Variants in MYO15A observed in about 807,000 individuals in gnomAD.
MYO15A encodes myosin XVA.
Under a neutral mutation model 394.6 loss-of-function variants are expected in MYO15A, and 308 were observed. The ratio of observed to expected loss-of-function variants is 0.78; its 90% CI spans 0.71 to 0.86. The LOEUF (loss-of-function observed/expected upper bound fraction) is 0.86, where lower values mean the gene tolerates loss of function less well. MYO15A is among the 40% of genes least tolerant of loss of function. The pLI is 0.00. For synonymous variants in MYO15A, 1,957 were observed against 2,003.8 expected (o/e 0.98, Z 0.62); for missense variants, 4,606 against 4,799.1 (o/e 0.96, Z 1.19).
intron 65 of MYO15A, among the ~76,000 whole-genome samples, chr17:18,174,670 C>G (rs545274774): frequency 3.0e-4 from 46 of 152,294 alleles, no homozygotes; most frequent in African/African-American, 1.0e-3. Context: ...CTCACACCCC[C>G]CTGGGGTCAG....
chr17:18,163,397 G>GCTTACTCCACCCCCATCC, intron 59 of MYO15A, 76 bp downstream of exon 59: 6 of 1,455,542 alleles, frequency 4.1e-6, no homozygotes, highest in Non-Finnish European at 5.8e-6. Context: ...CAGGATGGGG[G>GCTTACTCCACCCCCATCC]TGGAGTAAGC....
rs1254581656 is a variant in MYO15A, at chr17:18,173,786, G to A, written c.10356G>A (p.Leu3452=). Residue 3452 remains leucine (L), a synonymous_variant, in exon 65 of 66, where the codon TTG becomes TTA. Coordinates refer to ENST00000647165, the MANE Select transcript of MYO15A (RefSeq NM_016239.4). ...LNFLSTETHE[L]MVKFPLKEIQ... ...CCCTCTCCTCCTACTCCCAGGAATT[G>A]ATGGTGAAGTTCCCCCTGAAGGAGA... 1 of 1,613,858 alleles carries A rather than the reference G, an allele frequency of 6.2e-7. No individual in the cohort carries two copies. The highest frequency in any genetic ancestry group is 2.2e-5 in the East Asian group (1 of 44,886).
In MYO15A at chr17:18,161,354, G is replaced by C. The variant is rs1414395424; in HGVS notation, c.9424G>C (p.Val3142Leu). ...GCGAGGCTGGAGGCTGCTGTATATC[G>C]TGACCGCCTACCACAGCTGCTCTGA... is the stretch of plus-strand genomic sequence containing the variant. ...CQRGWRLLYIVTAYHSCSEVL... is the reference protein window; with the variant it reads ...CQRGWRLLYILTAYHSCSEVL... Residue 3142 changes from valine to leucine, a missense_variant, in exon 57 of 66, where the codon GTG becomes CTG. By Grantham distance (32) the Val-to-Leu change is conservative. Transcript: ENST00000647165. 1.9e-6 allele frequency: 3 copies of C among 1,614,026 alleles called. No individual in the cohort carries two copies. The highest frequency in any genetic ancestry group is 2.5e-6 in the Non-Finnish European group (3 of 1,180,006).
chr17:18,170,929 T>G (rs1203361314), intron 62 of MYO15A, among the ~76,000 whole-genome samples: 1 of 152,100 alleles, frequency 6.6e-6, no homozygotes, highest in Non-Finnish European at 1.5e-5. Context: ...GGAGGCTGGG[T>G]TCAGATGCCA....
intron 7 of MYO15A, among the ~76,000 whole-genome samples, chr17:18,128,742 A>C (rs749996408): frequency 5.9e-5 from 9 of 152,200 alleles, no homozygotes; most frequent in Admixed American, 5.9e-4. Context: ...AGGTAGGTAC[A>C]CTTGTATCCA....
intron 30 of MYO15A, among the ~76,000 whole-genome samples, chr17:18,146,653 A>G (rs1326212545): frequency 6.6e-6 from 1 of 152,224 alleles, no homozygotes; most frequent in East Asian, 1.9e-4. Flanking sequence ...GACCAGACGC[A>G]GTGGCTCAGG....
rs915052455 is a variant in MYO15A at position 18,161,523 on chromosome 17, G to A, written c.9517+76G>A. 6 of 1,593,936 alleles carry A rather than the reference G, an allele frequency of 3.8e-6. No homozygotes were observed. In the African/African-American group the frequency reaches 5.4e-5, roughly 14 times the overall value. ...ACTGGGTGGACAGCTGGTGGGAGGG[G>A]AAACCCAGAGGGCCTCGCTCTTCAC... On this transcript the variant is annotated intron_variant, in intron 57 of 65. Coordinates refer to ENST00000647165, the MANE Select transcript of MYO15A (RefSeq NM_016239.4).
rs1263068319 is a variant in MYO15A at position 18,120,245 on chromosome 17, G to A, written c.1445G>A (p.Arg482Gln). The stretch of plus-strand genomic sequence containing the variant: ...ATCCGCAAGTTCCGCCTCTTCCCGC[G>A]ACCCCAGGTGAAGCTGTTTGGGAAG... ...SLIRKFRLFP[R>Q]PQVKLFGKEK... The change falls in exon 2 of 66, where the codon CGA (arginine) becomes CAA (glutamine). Residue 482 changes from arginine (R) to glutamine (Q), a missense_variant. Transcript: ENST00000647165. 2.5e-6 allele frequency: 4 copies of A among 1,611,936 alleles called. No individual in the cohort carries two copies. The highest frequency in any genetic ancestry group is 3.4e-6 in the Non-Finnish European group (4 of 1,179,584).
At position 18,158,518 on chromosome 17, in the gene MYO15A, T is replaced by A. The variant is rs774701269; in HGVS notation, c.8968-5T>A. 1 of 1,613,858 alleles carries A rather than the reference T, an allele frequency of 6.2e-7. No individual in the cohort carries two copies. Among genetic ancestry groups the A allele is most frequent in the Non-Finnish European group, 8.5e-7 (1 of 1,179,820 alleles). ...TGGGCCTTCCTAGCTCCGCCTCTTCTGCAGGGTCCCCCAGTCAGGGCCCGC... is the reference window on the plus strand; with the variant it reads ...TGGGCCTTCCTAGCTCCGCCTCTTCAGCAGGGTCCCCCAGTCAGGGCCCGC... On this transcript the variant is annotated splice_region_variant and splice_polypyrimidine_tract_variant and intron_variant, in intron 51 of 65. Transcript: ENST00000647165.
chr17:18,124,951 A>G (rs1023673782), intron 3 of MYO15A: 7 of 614,770 alleles, frequency 1.1e-5, no homozygotes, highest in Admixed American at 5.4e-5. Flanking sequence ...CAAACCCCCA[A>G]TGAAGTAGGT....
At position 18,135,821 on chromosome 17, in the gene MYO15A, G is replaced by C; in HGVS notation, c.4593G>C (p.Val1531=). ...TGCAGAAGGCCATCACCTTCAAAGT[G>C]ACCGTGAGTCTGTGGGCATCTGGCC... ...EGLQKAITFK[V]TETMREKIFT... The change falls in exon 13 of 66, where the codon GTG becomes GTC. Residue 1531 remains valine, a synonymous_variant. Transcript: ENST00000647165. The C allele has an allele frequency of 6.2e-7, 1 of 1,613,606 alleles. No individual in the cohort carries two copies.
intron 52 of MYO15A, 134 bp from the exon 53 acceptor site, chr17:18,158,791 T>TG: frequency 7.2e-7 from 1 of 1,386,124 alleles, no homozygotes; most frequent in Non-Finnish European, 1.0e-6. Context: ...TGCCTGCCTC[T>TG]GGGGGTCTTC....
chr17:18,172,018 C>T, intron 63 of MYO15A, 139 bp from the exon 64 acceptor site: 1 of 1,456,498 alleles, frequency 6.9e-7, no homozygotes, highest in Non-Finnish European at 9.4e-7. Context: ...GAAGGGAGGC[C>T]AGAGAGATGG....
intron 19 of MYO15A, among the ~76,000 whole-genome samples, chr17:18,140,141 C>T (rs991170208): frequency 2.6e-5 from 4 of 152,336 alleles, no homozygotes; most frequent in African/African-American, 9.6e-5. Flanking sequence ...GAGCACAGGC[C>T]TGGTAACATC....
At chr17:18,159,914 A>G (rs759345018) in intron 55 of MYO15A, 21 bp from the exon 56 acceptor site, 8 of 1,613,258 alleles carry the variant, frequency 5.0e-6, no homozygotes, top group Non-Finnish European at 6.8e-6. Context: ...TTTGGTGTGT[A>G]ACCTCCCTGC....
chr17:18,122,925 A>G (rs1172155329), intron 2 of MYO15A: 1 of 159,944 alleles, frequency 6.3e-6, no homozygotes, highest in African/African-American at 2.4e-5. Flanking sequence ...GGATTCTGGA[A>G]TAGGTCAGGG....
At position 18,121,825 on chromosome 17, in the gene MYO15A, C is replaced by T. The variant is rs1236211904; in HGVS notation, c.3025C>T (p.Pro1009Ser). The stretch of plus-strand genomic sequence containing the variant: ...GCTCACCAAATCAGCTGGCCCAACC[C>T]CTGAGAAGCCTGAAGAAGAGGCCAC... ...GQLTKSAGPT[P>S]EKPEEEATLG... is the part of the protein sequence containing the mutation. The change falls in exon 2 of 66, where the codon CCT becomes TCT. Residue 1009 changes from proline to serine, a missense_variant. Coordinates refer to ENST00000647165, the MANE Select transcript of MYO15A (RefSeq NM_016239.4). This position sits in a 1 kb window ranked among gnomAD's most constrained non-coding sequence, Gnocchi z 5.3. The T allele has an allele frequency of 1.9e-6, 3 of 1,612,874 alleles. No homozygotes were observed. Among genetic ancestry groups the T allele is most frequent in the Admixed American group, 1.7e-5 (1 of 60,020 alleles).
chr17:18,161,186 G>A (rs182659881), intron 56 of MYO15A, 131 bp from the exon 57 acceptor site: 365 of 1,270,292 alleles, frequency 2.9e-4, no homozygotes, highest in Admixed American at 1.0e-3. Context: ...ATATCACTGC[G>A]CAGGGAGGGG....
At chr17:18,137,136 A>G (rs2046294747) in intron 15 of MYO15A, among the ~76,000 whole-genome samples, 2 of 152,174 alleles carry the variant, frequency 1.3e-5, no homozygotes, top group African/African-American at 4.8e-5. Context: ...CAGCAAAGGA[A>G]GTGGTGAGGG....
Sources: allele counts gnomAD v4.1 joint callset (sites outside exome capture counted in the v4.1 genomes callset), GRCh38; gene constraint gnomAD v4.1.1; non-coding constraint Gnocchi (gnomAD v3.1); transcripts MANE v1.5; gene names NCBI Gene and HGNC (gene_info 2026-07-23, HGNC 2026-07-21).